Variants in DLG2 observed in about 807,000 individuals in gnomAD.
The protein encoded by DLG2 is discs large MAGUK scaffold protein 2.
Under a neutral mutation model 132.5 loss-of-function variants are expected in DLG2, and 45 were observed. The ratio of observed to expected loss-of-function variants is 0.34; its 90% CI spans 0.27 to 0.44. The LOEUF (loss-of-function observed/expected upper bound fraction) is 0.44, where lower values mean the gene tolerates loss of function less well. DLG2 is among the 20% of genes least tolerant of loss of function. DLG2 has a pLI of 1.00. For synonymous variants in DLG2, 424 were observed against 419.6 expected (o/e 1.01, Z -0.13); for missense variants, 1,045 against 1,196.9 (o/e 0.87, Z 1.87).
chr11:84,602,602 A>G (rs1481850067), intron 6 of DLG2, among the ~76,000 whole-genome samples: 5 of 151,974 alleles, frequency 3.3e-5, no homozygotes, highest in Non-Finnish European at 7.4e-5. Context: ...ATATTAAAAC[A>G]ACCTATTTTC....
intron 3 of DLG2, among the ~76,000 whole-genome samples, chr11:85,318,223 C>T (rs2080821575): frequency 6.6e-6 from 1 of 151,848 alleles, no homozygotes; most frequent in Admixed American, 6.6e-5. Context: ...CCTAAATGAT[C>T]ACTGAATCAG....
chr11:85,189,960 G>A (rs1242312019), intron 4 of DLG2, among the ~76,000 whole-genome samples: 1 of 152,050 alleles, frequency 6.6e-6, no homozygotes, highest in Admixed American at 6.5e-5. Flanking sequence ...CTTGACTGGA[G>A]GATGTATCTT....
At chr11:85,244,706 A>G (rs2076052270) in intron 4 of DLG2, among the ~76,000 whole-genome samples, 1 of 152,006 alleles carries the variant, frequency 6.6e-6, no homozygotes, top group South Asian at 2.1e-4. Context: ...ATTGTTATAT[A>G]TGTCAATGAT....
At chr11:84,642,103 G>GTT (rs1228024224) in intron 6 of DLG2, among the ~76,000 whole-genome samples, 1 of 134,820 alleles carries the variant, frequency 7.4e-6, no homozygotes, top group Non-Finnish European at 1.6e-5. Context: ...GTGTGTGTGT[G>GTT]TGTGTATATG....
At chr11:84,912,142 AATTT>A (rs142345341) in intron 6 of DLG2, among the ~76,000 whole-genome samples, 2 of 151,244 alleles carry the variant, frequency 1.3e-5, no homozygotes, top group Non-Finnish European at 3.0e-5. Flanking sequence ...TGGCTTTCAC[AATTT>A]ATTTATTTAT....
intron 4 of DLG2, among the ~76,000 whole-genome samples, chr11:85,279,288 C>T (rs1039665393): frequency 6.6e-6 from 1 of 151,560 alleles, no homozygotes; most frequent in African/African-American, 2.4e-5. Context: ...TAGGTGGCAG[C>T]TTAAAGAAGC....
rs1166806942 is a variant in DLG2 at position 84,769,083 on chromosome 11, C to A, written c.358-234352G>T. Reference sequence around the variant, plus strand: ...CAAATTTTCTGACACTATGAAAAATCTGAATGTAGTGACACCACCAAACGC... The same window carrying A: ...CAAATTTTCTGACACTATGAAAAATATGAATGTAGTGACACCACCAAACGC... On this transcript the variant is annotated intron_variant, in intron 6 of 27. Transcript: ENST00000376104. Among the ~76,000 whole-genome samples, 8 of 152,202 alleles carry A rather than the reference C, an allele frequency of 5.3e-5. No individual in the cohort carries two copies. The East Asian group carries it at 1.4e-3, about 26-fold the overall frequency.
At chr11:84,386,591 C>T (rs574856078) in intron 7 of DLG2, among the ~76,000 whole-genome samples, 3 of 152,142 alleles carry the variant, frequency 2.0e-5, no homozygotes, top group African/African-American at 7.2e-5. Context: ...TTTTGTTACA[C>T]AATATTGCTA....
At chr11:85,068,872 G>A (rs1465163581) in intron 6 of DLG2, among the ~76,000 whole-genome samples, 1 of 152,124 alleles carries the variant, frequency 6.6e-6, no homozygotes, top group African/African-American at 2.4e-5. Context: ...GAACAAAGCT[G>A]GAGGCATCAC....
intron 19 of DLG2, among the ~76,000 whole-genome samples, chr11:83,622,081 A>AT (rs1220917319): frequency 6.6e-6 from 1 of 151,836 alleles, no homozygotes; most frequent in African/African-American, 2.4e-5. Flanking sequence ...TGCCAGGCTA[A>AT]TTTTTGTGTT....
chr11:84,278,064 T>TTA (rs1191101233), intron 7 of DLG2, among the ~76,000 whole-genome samples: 74 of 148,770 alleles, frequency 5.0e-4, no homozygotes, highest in African/African-American at 1.7e-3. Context: ...TTTTTTTTTT[T>TTA]TTTTTTTGAG....
chr11:84,810,948 T>C (rs2076486905), intron 6 of DLG2, among the ~76,000 whole-genome samples: 1 of 151,902 alleles, frequency 6.6e-6, no homozygotes, highest in African/African-American at 2.4e-5. Context: ...GAGAAGGGGG[T>C]GTGGCAATGA....
chr11:83,974,567 T>C (rs2091910241), intron 12 of DLG2, among the ~76,000 whole-genome samples: 1 of 152,060 alleles, frequency 6.6e-6, no homozygotes. Context: ...ATTTTTAATA[T>C]GCTAAAATTC....
chr11:83,889,334 C>T (rs2068946015), intron 15 of DLG2, among the ~76,000 whole-genome samples: 1 of 152,020 alleles, frequency 6.6e-6, no homozygotes, highest in Non-Finnish European at 1.5e-5. Context: ...GACATTTATG[C>T]AGCCAAAAAA....
chr11:84,725,458 G>A (rs138507952), intron 6 of DLG2, among the ~76,000 whole-genome samples: 1 of 152,186 alleles, frequency 6.6e-6, no homozygotes, highest in East Asian at 1.9e-4. Flanking sequence ...TAGTAGAGAT[G>A]TTTTCATGTA....
intron 6 of DLG2, among the ~76,000 whole-genome samples, chr11:84,946,132 T>TG (rs879787854): frequency 3.3e-5 from 5 of 152,192 alleles, no homozygotes. Flanking sequence ...TGGCCCAGGA[T>TG]GGGACCAAAC....
chr11:84,685,229 T>A (rs1365958265), intron 6 of DLG2, among the ~76,000 whole-genome samples: 1 of 152,180 alleles, frequency 6.6e-6, no homozygotes, highest in African/African-American at 2.4e-5. Flanking sequence ...AGCTCCAATA[T>A]CCTGTGAGTT....
intron 4 of DLG2, among the ~76,000 whole-genome samples, chr11:85,249,025 A>C (rs531766100): frequency 6.6e-6 from 1 of 152,122 alleles, no homozygotes; most frequent in East Asian, 1.9e-4. Context: ...ACATCTAAGG[A>C]TTTTTTTTAA....
chr11:84,681,785 C>T (rs112407920), intron 6 of DLG2, among the ~76,000 whole-genome samples: 16 of 151,538 alleles, frequency 1.1e-4, no homozygotes, highest in African/African-American at 3.9e-4. Flanking sequence ...TGCTCACTTG[C>T]CAGAAAAAGC....
Sources: allele counts gnomAD v4.1 joint callset (sites outside exome capture counted in the v4.1 genomes callset), GRCh38; gene constraint gnomAD v4.1.1; transcripts MANE v1.5; gene names NCBI Gene and HGNC (gene_info 2026-07-23, HGNC 2026-07-21).